CIT: variants seen among roughly 807,000 people sequenced by gnomAD.
The protein encoded by CIT is citron Rho-interacting kinase.
In CIT, 79 loss-of-function variants were observed where a neutral mutation model predicts 272.7. The ratio of observed to expected loss-of-function variants is 0.29; its 90% CI spans 0.24 to 0.35. CIT has a LOEUF of 0.35. Ranked by LOEUF, CIT falls within the 10% of genes least tolerant of loss-of-function variation. CIT has a pLI of 1.00. For missense variants in CIT, 1,909 were observed against 2,618.3 expected, an observed-to-expected ratio of 0.73 and a Z score of 5.91; for synonymous variants, 948 against 995.6, an observed-to-expected ratio of 0.95 and a Z score of 0.90.
Position 119,713,905 on chromosome 12 carries a change from T to C in CIT, c.4307-257A>G, listed in dbSNP as rs2137077085. 2 of 606,506 alleles carry C rather than the reference T, an allele frequency of 3.3e-6. No homozygotes were observed. The highest frequency in any genetic ancestry group is 5.5e-5 in the East Asian group (2 of 36,086). The allele number at this position is 606,506 out of a possible 1,614,324, so 37.6% of individuals were successfully genotyped here. A position where few individuals can be genotyped will look rare whatever the true frequency, so the allele number is the denominator to read the frequency against. On this transcript the variant is annotated intron_variant, in intron 33 of 47. Transcript: ENST00000392521. The surrounding 1 kb of genome is among the most constrained non-coding windows in gnomAD (Gnocchi z 5.2). ...CAAACAGGTGTGTAAAGAACACGTTTGCATGTTTCAGTTGGAGTCAGCGGA... is the reference window on the plus strand; with the variant it reads ...CAAACAGGTGTGTAAAGAACACGTTCGCATGTTTCAGTTGGAGTCAGCGGA...
intron 3 of CIT, among the ~76,000 whole-genome samples, chr12:119,862,832 A>AAAAAAAAAGAAAAAAAAG (rs1566141804): frequency 1.4e-4 from 19 of 135,610 alleles, no homozygotes; most frequent in African/African-American, 5.9e-4. Context: ...AAAAAAAAAA[A>AAAAAAAAAGAAAAAAAAG]AAAAAAAAGA....
At chr12:119,857,144 T>C (rs959341721) in intron 4 of CIT, among the ~76,000 whole-genome samples, 1 of 152,214 alleles carries the variant, frequency 6.6e-6, no homozygotes, top group Non-Finnish European at 1.5e-5. Context: ...CAAATCCATA[T>C]GCCCACAACA....
chr12:119,769,928 A>G (rs1007558232), intron 18 of CIT, among the ~76,000 whole-genome samples: 1 of 152,204 alleles, frequency 6.6e-6, no homozygotes, highest in Admixed American at 6.5e-5. Flanking sequence ...GTGAAGAGAG[A>G]GAGATGAAGT....
intron 10 of CIT, among the ~76,000 whole-genome samples, chr12:119,786,421 G>C (rs369180): frequency 0.45 from 68,215 of 152,048 alleles, 15,785 homozygotes; most frequent in Admixed American, 0.56. Context: ...AGATGAGAGA[G>C]AGATTCCAGG....
chr12:119,687,244 A>G lies in CIT; in HGVS notation c.*988T>C, dbSNP rs1015796174. On this transcript the variant is annotated 3_prime_UTR_variant, in exon 48 of 48. Coordinates refer to ENST00000392521, the MANE Select transcript of CIT (RefSeq NM_001206999.2). ...GGGGCAGCACATGCAGTGAACTGCC[A>G]TGCAGAACTCCCGACGGGCCTCTTC... is the stretch of plus-strand genomic sequence containing the variant. The G allele has an allele frequency of 1.5e-4, 23 of 152,632 alleles. No individual in the cohort carries two copies. The highest frequency in any genetic ancestry group is 5.3e-4 in the African/African-American group (22 of 41,446). The allele number at this position is 152,632 out of a possible 1,614,324, so 9.5% of individuals were successfully genotyped here.
rs970762587 is a variant in CIT, at chr12:119,734,451, T to C, written c.3157-94A>G. 3 of 1,316,142 alleles carry C rather than the reference T, an allele frequency of 2.3e-6. No individual in the cohort carries two copies. The African/African-American group carries it at 4.3e-5, about 19-fold the overall frequency. The allele number at this position is 1,316,142 out of a possible 1,614,324, so 81.5% of individuals were successfully genotyped here. On this transcript the variant is annotated intron_variant, in intron 25 of 47. Transcript: ENST00000392521. ...GGTCAGTTTCAGAAAAGCACAAGTT[T>C]CTAACTACAGTTTGAAATGCGGTTT...
At chr12:119,865,349 C>T (rs1237288466) in intron 3 of CIT, among the ~76,000 whole-genome samples, 1 of 152,180 alleles carries the variant, frequency 6.6e-6, no homozygotes, top group Non-Finnish European at 1.5e-5. Flanking sequence ...CCACTCGCTA[C>T]TTATAAATTT....
At chr12:119,777,909 C>A (rs1963933044) in intron 13 of CIT, among the ~76,000 whole-genome samples, 1 of 152,164 alleles carries the variant, frequency 6.6e-6, no homozygotes, top group Non-Finnish European at 1.5e-5. Context: ...GCTCCTAACA[C>A]AAATTGGATA....
chr12:119,715,204 T>C (rs1324535364), intron 32 of CIT, among the ~76,000 whole-genome samples: 1 of 152,212 alleles, frequency 6.6e-6, no homozygotes, highest in African/African-American at 2.4e-5. Flanking sequence ...CCCAGCCACA[T>C]GGAACTGTGA....
Position 119,770,729 on chromosome 12 carries a change from C to T in CIT, c.2208+56G>A. The T allele has an allele frequency of 3.1e-6, 5 of 1,605,184 alleles. No homozygotes were observed. In the South Asian group the frequency reaches 4.4e-5, roughly 14 times the overall value. On this transcript the variant is annotated intron_variant, in intron 18 of 47. Transcript: ENST00000392521. This position sits in a 1 kb window ranked among gnomAD's most constrained non-coding sequence, Gnocchi z 4.4. Reference sequence around the variant, plus strand: ...GTTAATTCTTCTTCTTACCCCCTTCCCTTTGCAAACTCTAACCTGTTATCT... The same window carrying T: ...GTTAATTCTTCTTCTTACCCCCTTCTCTTTGCAAACTCTAACCTGTTATCT...
chr12:119,714,590 A>T (rs769187795), intron 32 of CIT, among the ~76,000 whole-genome samples: 1 of 152,184 alleles, frequency 6.6e-6, no homozygotes, highest in Non-Finnish European at 1.5e-5. Context: ...GATGCTCAAC[A>T]TTATCAGTCG....
At chr12:119,789,298 G>A (rs1243563485) in intron 10 of CIT, among the ~76,000 whole-genome samples, 1 of 152,106 alleles carries the variant, frequency 6.6e-6, no homozygotes, top group African/African-American at 2.4e-5. Context: ...ACCATCCCCA[G>A]CATTTAGTTC....
rs1969211122 is a variant in CIT at position 119,838,929 on chromosome 12, G to A, written c.517-4701C>T. Among the ~76,000 whole-genome samples, 6 of 152,294 alleles carry A rather than the reference G, an allele frequency of 3.9e-5. 1 individual carries two copies. The South Asian group carries it at 1.2e-3, about 32-fold the overall frequency. On this transcript the variant is annotated intron_variant, in intron 5 of 47. Coordinates refer to ENST00000392521, the MANE Select transcript of CIT (RefSeq NM_001206999.2). ...CACAGGAGGAGGAAAGAGTCCTAGA[G>A]TGAAACAGCCCAAAACAATGTGGCA...
chr12:119,832,967 T>C (rs1968749315), intron 6 of CIT, 103 bp from the exon 7 acceptor site: 1 of 780,236 alleles, frequency 1.3e-6, no homozygotes, highest in Admixed American at 2.1e-5. Context: ...TTATGTATTC[T>C]GTTATATAGA....
chr12:119,725,989 C>T (rs1958075411), intron 28 of CIT, among the ~76,000 whole-genome samples: 1 of 147,986 alleles, frequency 6.8e-6, no homozygotes, highest in Admixed American at 6.8e-5. Context: ...GGGTGAATTC[C>T]TATGTGTGTT....
chr12:119,802,897 G>C (rs1381135624), intron 10 of CIT, among the ~76,000 whole-genome samples: 1 of 152,108 alleles, frequency 6.6e-6, no homozygotes, highest in Non-Finnish European at 1.5e-5. Flanking sequence ...CCGGGGATCT[G>C]CACTGCTGGA....
rs1955873623 is a variant in CIT, at chr12:119,690,398, G to A, written c.5939C>T (p.Ala1980Val). The change falls in exon 47 of 48, where the codon GCC (alanine) becomes GTC (valine). Residue 1980 changes from alanine (A) to valine (V), a missense_variant. Physicochemically the swap from Ala to Val is moderately conservative, Grantham distance 64 (BLOSUM62 0). Around this residue, in one of 8 missense-constraint regions of CIT, gnomAD observed 780 missense variants for 1,067.2 expected, o/e 0.73. Coordinates refer to ENST00000392521, the MANE Select transcript of CIT (RefSeq NM_001206999.2). The surrounding 1 kb of genome is among the most constrained non-coding windows in gnomAD (Gnocchi z 6.0). ...TYNEHITKRV[A>V]SSPAPPEGPS... is the part of the protein sequence containing the mutation. ...GCCTTCGGGCGGCGCTGGGCTGGAG[G>A]CCACGCGCTTGGTGATGTGCTCGTT... The A allele has an allele frequency of 6.3e-7, 1 of 1,596,676 alleles. No individual in the cohort carries two copies. Among genetic ancestry groups the A allele is most frequent in the Non-Finnish European group, 8.5e-7 (1 of 1,177,502 alleles).
chr12:119,804,548 G>A lies in CIT; in HGVS notation c.1112-1159C>T. 1 of 938,376 alleles carries A rather than the reference G, an allele frequency of 1.1e-6. No homozygotes were observed. The highest frequency in any genetic ancestry group is 1.8e-5 in the African/African-American group (1 of 56,448). The allele number at this position is 938,376 out of a possible 1,614,324, so 58.1% of individuals were successfully genotyped here. ...GCTCGCTAGAGCTCCCCCTAGGACA[G>A]TTGTCACAGCCCTTCACAGCCCAGA... On this transcript the variant is annotated intron_variant, in intron 9 of 47. Transcript: ENST00000392521. This position sits in a 1 kb window ranked among gnomAD's most constrained non-coding sequence, Gnocchi z 5.3.
chr12:119,854,821 G>A (rs1970480309), intron 4 of CIT, among the ~76,000 whole-genome samples: 1 of 151,946 alleles, frequency 6.6e-6, no homozygotes, highest in Non-Finnish European at 1.5e-5. Flanking sequence ...TGTGGTGGCA[G>A]GTGCCTGTAA....
Sources: allele counts gnomAD v4.1 joint callset (sites outside exome capture counted in the v4.1 genomes callset), GRCh38; gene constraint gnomAD v4.1.1; regional missense constraint gnomAD v4.1.1; non-coding constraint Gnocchi (gnomAD v3.1); transcripts MANE v1.5; gene names NCBI Gene and HGNC (gene_info 2026-07-23, HGNC 2026-07-21).